The following OPRPN variants were observed in gnomAD, a reference collection of about 807,000 sequenced individuals.
OPRPN encodes the protein basic proline-rich lacrimal protein.
Under a neutral mutation model 2.2 loss-of-function variants are expected in OPRPN, and 1 was observed. That is an observed-to-expected ratio of 0.45 (90% CI 0.16 to 2.15). OPRPN has a LOEUF of 2.15. Ranked by LOEUF, OPRPN falls within the 30% of genes most tolerant of loss-of-function variation. The probability of loss-of-function intolerance (pLI) is 0.28; values close to 1 mark genes in which losing one functional copy is unlikely to be tolerated. For missense variants in OPRPN, 306 were observed against 297.3 expected (o/e 1.03, Z -0.21); for synonymous variants, 126 against 111.5 (o/e 1.13, Z -0.82).
At position 70,409,852 on chromosome 4, in the gene OPRPN, T is replaced by C. The variant is rs878956339; in HGVS notation, c.524T>C (p.Ile175Thr). The change falls in exon 3 of 3, where the codon ATC becomes ACC. Residue 175 changes from isoleucine to threonine, a missense_variant. Ile to Thr is a moderately conservative substitution (Grantham distance 89). Coordinates refer to ENST00000399575, the MANE Select transcript of OPRPN (RefSeq NM_021225.5). The stretch of plus-strand genomic sequence containing the variant: ...ACTTCCACAAAACCCACAATGACGA[T>C]CAGCTCCTCAACAGTACCTATCTCT... ...TSTSTKPTMTISSSTVPISST... is the reference protein window; with the variant it reads ...TSTSTKPTMTTSSSTVPISST... 1 of 1,612,796 alleles carries C rather than the reference T, an allele frequency of 6.2e-7. No homozygotes were observed. Among genetic ancestry groups the C allele is most frequent in the African/African-American group, 1.3e-5 (1 of 74,858 alleles).
chr4:70,403,822 A>G (rs1733029747), intron 2 of OPRPN, among the ~76,000 whole-genome samples: 1 of 152,034 alleles, frequency 6.6e-6, no homozygotes, highest in South Asian at 2.1e-4. Context: ...AACCCAATAT[A>G]TTCTAAGACC....
chr4:70,406,625 A>T (rs1733094217), intron 2 of OPRPN, among the ~76,000 whole-genome samples: 2 of 152,150 alleles, frequency 1.3e-5, no homozygotes, highest in African/African-American at 4.8e-5. Context: ...AGCTAGAGGA[A>T]CTGCTTTTAT....
intron 2 of OPRPN, among the ~76,000 whole-genome samples, chr4:70,400,097 G>C (rs1577881556): frequency 1.3e-5 from 2 of 152,020 alleles, no homozygotes; most frequent in Non-Finnish European, 2.9e-5. Context: ...AGTTTCCCTA[G>C]CATATGTTGG....
chr4:70,409,520 C>T lies in OPRPN; in HGVS notation c.192C>T (p.Pro64=), dbSNP rs765004086. 23 of 1,613,892 alleles carry T rather than the reference C, an allele frequency of 1.4e-5. 1 individual carries two copies. The Middle Eastern group carries it at 8.2e-4, about 58-fold the overall frequency. Residue 64 remains proline (P), a synonymous_variant, in exon 3 of 3, where the codon CCC becomes CCT. Coordinates refer to ENST00000399575, the MANE Select transcript of OPRPN (RefSeq NM_021225.5). ...DSRLNSPLSL[P]FVPGRVPPSS... is the part of the protein sequence containing the mutation. ...GACTTAATTCACCACTTTCTCTTCC[C>T]TTTGTCCCAGGGCGAGTTCCACCAT...
chr4:70,409,763 C>G lies in OPRPN; in HGVS notation c.435C>G (p.Asn145Lys), dbSNP rs181490825. The G allele has an allele frequency of 6.2e-7, 1 of 1,613,740 alleles. No individual in the cohort carries two copies. Among genetic ancestry groups the G allele is most frequent in the Non-Finnish European group, 8.5e-7 (1 of 1,179,830 alleles). ...TCTCTAACCCTGAGCCCCAAATAAA[C>G]ATCACCACCGCAGATACAACAATCA... is the stretch of plus-strand genomic sequence containing the variant. ...LPISNPEPQI[N>K]ITTADTTITT... is the part of the protein sequence containing the mutation. Residue 145 changes from asparagine (N) to lysine (K), a missense_variant, in exon 3 of 3, where the codon AAC (asparagine) becomes AAG (lysine). Asn to Lys is a moderately conservative substitution (Grantham distance 94). Coordinates refer to ENST00000399575, the MANE Select transcript of OPRPN (RefSeq NM_021225.5).
intron 2 of OPRPN, among the ~76,000 whole-genome samples, chr4:70,401,674 C>T (rs1269693463): frequency 1.3e-5 from 2 of 151,948 alleles, no homozygotes; most frequent in African/African-American, 4.8e-5. Context: ...CAAGTAATAA[C>T]AAATAGGTTT....
At chr4:70,401,827 G>T (rs540017967) in intron 2 of OPRPN, among the ~76,000 whole-genome samples, 7 of 152,060 alleles carry the variant, frequency 4.6e-5, no homozygotes, top group Non-Finnish European at 1.0e-4. Flanking sequence ...GATGAGTAAC[G>T]ACAGCATTTT....
intron 2 of OPRPN, among the ~76,000 whole-genome samples, chr4:70,405,627 A>G (rs1315704622): frequency 6.6e-6 from 1 of 152,210 alleles, no homozygotes; most frequent in Non-Finnish European, 1.5e-5. Context: ...TGCATCTACA[A>G]ACTTCCATGA....
At chr4:70,399,059 A>G (rs1732918036) in intron 1 of OPRPN, among the ~76,000 whole-genome samples, 1 of 151,928 alleles carries the variant, frequency 6.6e-6, no homozygotes, top group South Asian at 2.1e-4. Context: ...AAAATAAAGT[A>G]CCACCATTAA....
intron 2 of OPRPN, among the ~76,000 whole-genome samples, chr4:70,401,826 C>T (rs1044163610): frequency 2.0e-5 from 3 of 152,002 alleles, no homozygotes; most frequent in Admixed American, 6.6e-5. Flanking sequence ...AGATGAGTAA[C>T]GACAGCATTT....
chr4:70,409,856 C>T lies in OPRPN; in HGVS notation c.528C>T (p.Ser176=). ...CCACAAAACCCACAATGACGATCAG[C>T]TCCTCAACAGTACCTATCTCTTCAA... ...STSTKPTMTI[S]SSTVPISSTP... The change falls in exon 3 of 3, where the codon AGC becomes AGT. Residue 176 remains serine, a synonymous_variant. Coordinates refer to ENST00000399575, the MANE Select transcript of OPRPN (RefSeq NM_021225.5). 6.2e-7 allele frequency: 1 copy of T among 1,613,228 alleles called. No individual in the cohort carries two copies. The highest frequency in any genetic ancestry group is 8.5e-7 in the Non-Finnish European group (1 of 1,179,498).
At chr4:70,398,602 G>T (rs1198162791) in intron 1 of OPRPN, among the ~76,000 whole-genome samples, 1 of 151,764 alleles carries the variant, frequency 6.6e-6, no homozygotes, top group African/African-American at 2.4e-5. Context: ...AGAACCCAGG[G>T]TGCCATGTGC....
At chr4:70,406,748 T>A (rs1733097385) in intron 2 of OPRPN, among the ~76,000 whole-genome samples, 1 of 152,254 alleles carries the variant, frequency 6.6e-6, no homozygotes, top group Admixed American at 6.5e-5. Flanking sequence ...GATGGCGGTA[T>A]AGGCTTTTGT....
Position 70,410,101 on chromosome 4 carries a change from A to G in OPRPN, c.*26A>G. ...ACATGCAATAAATGATATTTTCCAA[A>G]CTGCTCTGATATCTTAGAAGAAATA... On this transcript the variant is annotated 3_prime_UTR_variant, in exon 3 of 3. Transcript: ENST00000399575. 6.8e-7 allele frequency: 1 copy of G among 1,476,508 alleles called. No homozygotes were observed. 91.5% of individuals were successfully genotyped at this position (1,476,508 alleles called of 1,614,324 possible).
rs373613273 is a variant in OPRPN, at chr4:70,409,970, A to G, written c.642A>G (p.Thr214=). Residue 214 remains threonine (T), a synonymous_variant, in exon 3 of 3, where the codon ACA becomes ACG. Transcript: ENST00000399575. ...AAATTCTCGCCAACCGTCCTCACAC[A>G]GTATTGCTCAATGCCACTGTCCAAG... ...TTQILANRPH[T]VLLNATVQVT... is the part of the protein sequence containing the mutation. The G allele has an allele frequency of 1.1e-5, 18 of 1,613,884 alleles. No individual in the cohort carries two copies. In the African/African-American group the frequency reaches 1.9e-4, roughly 17 times the overall value.
Position 70,409,769 on chromosome 4 carries a change from C to A in OPRPN, c.441C>A (p.Thr147=). The part of the protein sequence containing the change: ...ISNPEPQINI[T]TADTTITTNP... ...ACCCTGAGCCCCAAATAAACATCACCACCGCAGATACAACAATCACCACAA... is the reference window on the plus strand; with the variant it reads ...ACCCTGAGCCCCAAATAAACATCACAACCGCAGATACAACAATCACCACAA... Residue 147 remains threonine (T), a synonymous_variant, in exon 3 of 3, where the codon ACC becomes ACA. Coordinates refer to ENST00000399575, the MANE Select transcript of OPRPN (RefSeq NM_021225.5). The A allele has an allele frequency of 6.2e-7, 1 of 1,613,730 alleles. No homozygotes were observed. The highest frequency in any genetic ancestry group is 1.3e-5 in the African/African-American group (1 of 74,920).
chr4:70,400,908 A>C (rs1345426933), intron 2 of OPRPN, among the ~76,000 whole-genome samples: 2 of 152,024 alleles, frequency 1.3e-5, no homozygotes, highest in Non-Finnish European at 2.9e-5. Context: ...ATCCATGATC[A>C]AGTAAACTTG....
intron 2 of OPRPN, among the ~76,000 whole-genome samples, chr4:70,400,219 G>A (rs1220032946): frequency 6.6e-6 from 1 of 151,796 alleles, no homozygotes; most frequent in African/African-American, 2.4e-5. Flanking sequence ...AAATACCAAA[G>A]TCGAATTCCA....
intron 2 of OPRPN, among the ~76,000 whole-genome samples, chr4:70,406,096 G>A (rs1030443054): frequency 6.6e-6 from 1 of 152,032 alleles, no homozygotes; most frequent in Non-Finnish European, 1.5e-5. Flanking sequence ...AACCTCCAAC[G>A]TGCCAGAAAC....
Sources: gnomAD v4.1 joint callset for allele counts (sites outside exome capture counted in the v4.1 genomes callset) on GRCh38, gnomAD v4.1.1 for gene constraint, MANE v1.5 for transcripts, NCBI Gene and HGNC (gene_info 2026-07-23, HGNC 2026-07-21) for gene names.